KICS2: variants seen among roughly 807,000 people sequenced by gnomAD.
KICS2 encodes KICSTOR complex protein C12orf66.
KICS2 carries 13 observed loss-of-function variants against 31.4 expected under a neutral mutation model. That is an observed-to-expected ratio of 0.41 (90% CI 0.27 to 0.66). The LOEUF (loss-of-function observed/expected upper bound fraction) is 0.66, where lower values mean the gene tolerates loss of function less well. KICS2 is among the 30% of genes least tolerant of loss of function. The pLI is 0.28. For missense variants in KICS2, 455 were observed against 545.4 expected (o/e 0.83, Z 1.65); for synonymous variants, 209 against 214.8 (o/e 0.97, Z 0.24).
chr12:64,188,174 C>G (rs2037353225), downstream of KICS2, among the ~76,000 whole-genome samples: 1 of 152,124 alleles, frequency 6.6e-6, no homozygotes, highest in Non-Finnish European at 1.5e-5. Context: ...ATCTCAGAGG[C>G]ATGGGAAGAA....
At position 64,192,805 on chromosome 12, in the gene KICS2, G is replaced by A; in HGVS notation, c.*1037C>T. On this transcript the variant is annotated 3_prime_UTR_variant, in exon 3 of 3. Transcript: ENST00000398055. ...AGTGCTGCTTCTAAACATAATTTGT[G>A]GGGGGCAGGCATGAAACCCAAGTTC... 1.0e-6 allele frequency: 1 copy of A among 985,406 alleles called. No homozygotes were observed. Among genetic ancestry groups the A allele is most frequent in the Non-Finnish European group, 1.2e-6 (1 of 829,946 alleles). The allele number at this position is 985,406 out of a possible 1,614,324, so 61.0% of individuals were successfully genotyped here. A position where few individuals can be genotyped will look rare whatever the true frequency, so the allele number is the denominator to read the frequency against.
chr12:64,213,311 T>A (rs2037600838), intron 2 of KICS2, among the ~76,000 whole-genome samples: 1 of 152,078 alleles, frequency 6.6e-6, no homozygotes, highest in Non-Finnish European at 1.5e-5. Context: ...TTATCTGGAC[T>A]AGATAAAAAA....
chr12:64,190,972 T>C (rs2037373860), downstream of KICS2: 1 of 152,174 alleles, frequency 6.6e-6, no homozygotes, highest in South Asian at 2.1e-4. Flanking sequence ...GAAATACTCC[T>C]GGATGGAACC....
chr12:64,204,605 A>C (rs1410813999), intron 2 of KICS2, among the ~76,000 whole-genome samples: 1 of 152,134 alleles, frequency 6.6e-6, no homozygotes, highest in East Asian at 1.9e-4. Context: ...TGGGCAACAC[A>C]GTGAGACCCC....
At chr12:64,187,703 C>T, downstream of KICS2, 1 of 1,450,840 alleles carries the variant, frequency 6.9e-7, no homozygotes, top group Non-Finnish European at 9.3e-7. Flanking sequence ...ACCTACAGGG[C>T]TTTTGTGGGG....
chr12:64,195,180 G>A (rs908975533), intron 2 of KICS2, among the ~76,000 whole-genome samples: 3 of 152,156 alleles, frequency 2.0e-5, no homozygotes, highest in Admixed American at 6.5e-5. Flanking sequence ...CTTCCAAAGC[G>A]CTGGGATTAC....
chr12:64,192,961 T>G lies in KICS2; in HGVS notation c.*881A>C, dbSNP rs938777528. On this transcript the variant is annotated 3_prime_UTR_variant, in exon 3 of 3. Coordinates refer to ENST00000398055, the MANE Select transcript of KICS2 (RefSeq NM_152440.5). The stretch of plus-strand genomic sequence containing the variant: ...ATAAAAGTAGGCTATGTTGCATGAG[T>G]ATCTAAAAGTGGCTGAAAAACCGAC... The G allele has an allele frequency of 1.1e-5, 11 of 985,266 alleles. No homozygotes were observed. Among genetic ancestry groups the G allele is most frequent in the Middle Eastern group, 5.2e-4 (1 of 1,936 alleles). The allele number at this position is 985,266 out of a possible 1,614,324, so 61.0% of individuals were successfully genotyped here.
At chr12:64,217,589 A>G (rs921823858) in intron 1 of KICS2, among the ~76,000 whole-genome samples, 11 of 152,022 alleles carry the variant, frequency 7.2e-5, no homozygotes, top group Non-Finnish European at 1.3e-4. Context: ...ACCCGAGGTC[A>G]GGAGTTCAAC....
At chr12:64,209,512 G>A (rs1190444555) in intron 2 of KICS2, among the ~76,000 whole-genome samples, 4 of 152,116 alleles carry the variant, frequency 2.6e-5, no homozygotes, top group Non-Finnish European at 5.9e-5. Flanking sequence ...TTGAACCCAG[G>A]AGGCGGAGGT....
chr12:64,212,115 G>A lies in KICS2; in HGVS notation c.521+3563C>T, dbSNP rs61234727. ...AATTTGTGAATAAAGGTGAAGGACA[G>A]TTATATGTTCATTGTACAGTCATTT... On this transcript the variant is annotated intron_variant, in intron 2 of 2. Coordinates refer to ENST00000398055, the MANE Select transcript of KICS2 (RefSeq NM_152440.5). Among the ~76,000 whole-genome samples, 257 of 150,872 alleles carry A rather than the reference G, an allele frequency of 1.7e-3. 2 individuals are homozygous for A. The highest frequency in any genetic ancestry group is 6.8e-3 in the Middle Eastern group (2 of 294).
At position 64,192,708 on chromosome 12, in the gene KICS2, C is replaced by T. The variant is rs577258695; in HGVS notation, c.*1134G>A. On this transcript the variant is annotated 3_prime_UTR_variant, in exon 3 of 3. Transcript: ENST00000398055. ...GTGAAGGTCTCCACAGCCCATTATG[C>T]CTTCACTGATCCACCTACTTCCCAT... The T allele has an allele frequency of 2.1e-5, 21 of 985,402 alleles. No individual in the cohort carries two copies. In the South Asian group the frequency reaches 8.5e-4, roughly 40 times the overall value. 61.0% of individuals were successfully genotyped at this position (985,402 alleles called of 1,614,324 possible).
chr12:64,196,007 G>A (rs1218167678), intron 2 of KICS2, among the ~76,000 whole-genome samples: 14 of 152,348 alleles, frequency 9.2e-5, no homozygotes, highest in African/African-American at 2.9e-4. Flanking sequence ...ACTGCAAGGC[G>A]GCAGCGAGGC....
At chr12:64,214,747 G>A (rs780388340) in intron 2 of KICS2, among the ~76,000 whole-genome samples, 1 of 152,092 alleles carries the variant, frequency 6.6e-6, no homozygotes, top group Non-Finnish European at 1.5e-5. Context: ...CAGGCATAGT[G>A]GCATGTGCCT....
rs2037389931 is a variant in KICS2, at chr12:64,192,638, A to G, written c.*1204T>C. 1.0e-6 allele frequency: 1 copy of G among 985,332 alleles called. No individual in the cohort carries two copies. 61.0% of individuals were successfully genotyped at this position (985,332 alleles called of 1,614,324 possible). On this transcript the variant is annotated 3_prime_UTR_variant, in exon 3 of 3. Coordinates refer to ENST00000398055, the MANE Select transcript of KICS2 (RefSeq NM_152440.5). Reference sequence around the variant, plus strand: ...GAACCATCAAACCAGTAACAACTCAATTACTCTTTGTGGCTTCTTTTTATT... The same window carrying G: ...GAACCATCAAACCAGTAACAACTCAGTTACTCTTTGTGGCTTCTTTTTATT...
chr12:64,212,866 G>A (rs1454566444), intron 2 of KICS2, among the ~76,000 whole-genome samples: 1 of 152,078 alleles, frequency 6.6e-6, no homozygotes, highest in Non-Finnish European at 1.5e-5. Flanking sequence ...GAGGTGGGTG[G>A]ATTGCTTCAG....
rs2037407514 is a variant in KICS2 at position 64,194,026 on chromosome 12, T to C, written c.1154A>G (p.Tyr385Cys). Residue 385 changes from tyrosine (Y) to cysteine (C), a missense_variant, in exon 3 of 3, where the codon TAT becomes TGT. Coordinates refer to ENST00000398055, the MANE Select transcript of KICS2 (RefSeq NM_152440.5). The stretch of plus-strand genomic sequence containing the variant: ...GTAGGTACTCTGAACTTTGTCATCA[T>C]AGAAGTGGACCACTTTCTCCAAGCT... ...LNSLEKVVHF[Y>C]DDKVQSTYFL... 2 of 1,614,192 alleles carry C rather than the reference T, an allele frequency of 1.2e-6. No individual in the cohort carries two copies. Among genetic ancestry groups the C allele is most frequent in the Non-Finnish European group, 8.5e-7 (1 of 1,180,038 alleles).
At chr12:64,213,115 A>G (rs917267616) in intron 2 of KICS2, among the ~76,000 whole-genome samples, 4 of 151,848 alleles carry the variant, frequency 2.6e-5, no homozygotes, top group Non-Finnish European at 4.4e-5. Context: ...AGAAAAGAAA[A>G]AGAAAGAAAG....
chr12:64,209,355 G>T (rs368794929), intron 2 of KICS2, among the ~76,000 whole-genome samples: 3 of 151,908 alleles, frequency 2.0e-5, no homozygotes, highest in Non-Finnish European at 4.4e-5. Flanking sequence ...GATGCTAAGC[G>T]GGGTTGATCA....
chr12:64,213,235 A>G (rs1018739360), intron 2 of KICS2, among the ~76,000 whole-genome samples: 5 of 152,186 alleles, frequency 3.3e-5, no homozygotes, highest in Non-Finnish European at 7.3e-5. Context: ...GATGTAGTAA[A>G]TGCTTCCTAG....
Sources: gnomAD v4.1 joint callset for allele counts (sites outside exome capture counted in the v4.1 genomes callset) on GRCh38, gnomAD v4.1.1 for gene constraint, MANE v1.5 for transcripts, NCBI Gene and HGNC (gene_info 2026-07-23, HGNC 2026-07-21) for gene names.